Variants in DRC11 observed in about 807,000 individuals in gnomAD.
DRC11 encodes dynein regulatory complex subunit 11, also known as IQ and AAA domain-containing protein 1.
chr2:236,430,961 T>C, the DRC11 span, among the ~76,000 whole-genome samples: 8 of 152,226 alleles, frequency 5.3e-5, no homozygotes, highest in African/African-American at 1.9e-4. This position sits in a 1 kb window ranked among gnomAD's most constrained non-coding sequence, Gnocchi z 6.0. Context: ...CTTTACTGGC[T>C]ATTAAGTCAG....
At chr2:236,363,220 A>G in the DRC11 span, among the ~76,000 whole-genome samples, 2 of 152,204 alleles carry the variant, frequency 1.3e-5, no homozygotes, top group African/African-American at 4.8e-5. The surrounding 1 kb of genome is among the most constrained non-coding windows in gnomAD (Gnocchi z 5.6). Flanking sequence ...GTTCTTTCAA[A>G]CGCATTCATT....
At chr2:236,419,349 A>T in the DRC11 span, 91 of 1,482,064 alleles carry the variant, frequency 6.1e-5, no homozygotes, top group East Asian at 2.1e-3. This position sits in a 1 kb window ranked among gnomAD's most constrained non-coding sequence, Gnocchi z 4.8. Context: ...TCTGAAAGGA[A>T]GTTTTTGTGC....
chr2:236,350,849 C>T, the DRC11 span, among the ~76,000 whole-genome samples: 2 of 152,174 alleles, frequency 1.3e-5, no homozygotes. This position sits in a 1 kb window ranked among gnomAD's most constrained non-coding sequence, Gnocchi z 5.2. Flanking sequence ...CCTGGGGAAG[C>T]TGAGGGGCCT....
the DRC11 span, among the ~76,000 whole-genome samples, chr2:236,442,834 T>C: frequency 6.6e-6 from 1 of 152,236 alleles, no homozygotes; most frequent in African/African-American, 2.4e-5. Flanking sequence ...ATTTTACCAT[T>C]GGCAACAACT....
the DRC11 span, among the ~76,000 whole-genome samples, chr2:236,437,350 A>T: frequency 6.8e-6 from 1 of 146,462 alleles, no homozygotes; most frequent in Admixed American, 6.8e-5. Flanking sequence ...ATTGTTGGAC[A>T]TTTGGGTTGG....
the DRC11 span, among the ~76,000 whole-genome samples, chr2:236,496,149 T>C: frequency 6.6e-5 from 10 of 152,206 alleles, no homozygotes; most frequent in African/African-American, 2.4e-4. This position sits in a 1 kb window ranked among gnomAD's most constrained non-coding sequence, Gnocchi z 6.3. Flanking sequence ...GTGAGTAAAG[T>C]GCACCAGATT....
At chr2:236,401,090 C>A in the DRC11 span, among the ~76,000 whole-genome samples, 3 of 150,236 alleles carry the variant, frequency 2.0e-5, no homozygotes, top group African/African-American at 7.6e-5. The surrounding 1 kb of genome is among the most constrained non-coding windows in gnomAD (Gnocchi z 4.6). Flanking sequence ...AGGCACCGTT[C>A]CCCACAGGAC....
the DRC11 span, among the ~76,000 whole-genome samples, chr2:236,386,399 A>G: frequency 4.4e-3 from 671 of 152,260 alleles, 2 homozygotes; most frequent in Middle Eastern, 0.01. Flanking sequence ...GGGAGAATGT[A>G]TGTGTCCAGG....
the DRC11 span, among the ~76,000 whole-genome samples, chr2:236,360,199 G>A: frequency 3.9e-5 from 6 of 152,250 alleles, no homozygotes; most frequent in African/African-American, 1.4e-4. This position sits in a 1 kb window ranked among gnomAD's most constrained non-coding sequence, Gnocchi z 5.8. Flanking sequence ...TCAGTGAGCG[G>A]CCGTATAATG....
chr2:236,325,726 C>A, the DRC11 span, among the ~76,000 whole-genome samples: 1 of 152,090 alleles, frequency 6.6e-6, no homozygotes, highest in Non-Finnish European at 1.5e-5. This position sits in a 1 kb window ranked among gnomAD's most constrained non-coding sequence, Gnocchi z 4.4. Flanking sequence ...CCTCAGCCTC[C>A]GGAGTAGCTG....
chr2:236,459,571 G>GTA, the DRC11 span, among the ~76,000 whole-genome samples: 8 of 123,462 alleles, frequency 6.5e-5, no homozygotes, highest in African/African-American at 2.4e-4. Context: ...GTATATATGT[G>GTA]TATACATACG....
At chr2:236,419,226 T>G in the DRC11 span, 1 of 1,545,628 alleles carries the variant, frequency 6.5e-7, no homozygotes, top group Admixed American at 2.0e-5. This position sits in a 1 kb window ranked among gnomAD's most constrained non-coding sequence, Gnocchi z 4.8. Flanking sequence ...TTCTTCTTTT[T>G]GTTTTTTTCT....
chr2:236,328,484 G>C, the DRC11 span, among the ~76,000 whole-genome samples: 1 of 151,904 alleles, frequency 6.6e-6, no homozygotes, highest in Non-Finnish European at 1.5e-5. This position sits in a 1 kb window ranked among gnomAD's most constrained non-coding sequence, Gnocchi z 6.7. Context: ...GCTTCCCCAT[G>C]GCAACCTATA....
the DRC11 span, among the ~76,000 whole-genome samples, chr2:236,395,239 G>A: frequency 6.6e-6 from 1 of 152,160 alleles, no homozygotes; most frequent in Non-Finnish European, 1.5e-5. Flanking sequence ...CCCAAAACAG[G>A]TGTGACGACA....
the DRC11 span, among the ~76,000 whole-genome samples, chr2:236,493,223 A>G: frequency 6.6e-6 from 1 of 152,146 alleles, no homozygotes; most frequent in Non-Finnish European, 1.5e-5. Context: ...CAAGAACGGC[A>G]CAGGAAAGAC....
At chr2:236,418,646 C>T in the DRC11 span, among the ~76,000 whole-genome samples, 1,003 of 152,272 alleles carry the variant, frequency 6.6e-3, 11 homozygotes, top group African/African-American at 0.022. Flanking sequence ...GACGGAAGGA[C>T]GGGCCCAATG....
chr2:236,383,985 G>A, the DRC11 span, among the ~76,000 whole-genome samples: 40 of 152,190 alleles, frequency 2.6e-4, no homozygotes, highest in African/African-American at 9.4e-4. Flanking sequence ...CCCTACAAAG[G>A]ACATGAACTC....
the DRC11 span, among the ~76,000 whole-genome samples, chr2:236,352,370 C>T: frequency 6.6e-6 from 1 of 151,996 alleles, no homozygotes; most frequent in African/African-American, 2.4e-5. This position sits in a 1 kb window ranked among gnomAD's most constrained non-coding sequence, Gnocchi z 7.0. Context: ...TAGTCAGTGC[C>T]CAGGAAATGT....
At chr2:236,465,398 G>A in the DRC11 span, 29 of 935,880 alleles carry the variant, frequency 3.1e-5, no homozygotes, top group South Asian at 2.9e-4. This position sits in a 1 kb window ranked among gnomAD's most constrained non-coding sequence, Gnocchi z 6.2. Flanking sequence ...AAACGAAGCC[G>A]AGAAACCTCA....
Sources: allele counts gnomAD v4.1 joint callset (sites outside exome capture counted in the v4.1 genomes callset), GRCh38; gene constraint gnomAD v4.1.1; non-coding constraint Gnocchi (gnomAD v3.1); transcripts MANE v1.5; gene names NCBI Gene and HGNC (gene_info 2026-07-23, HGNC 2026-07-21).